Variants in GCN1 observed in about 807,000 individuals in gnomAD.
GCN1 encodes the protein stalled ribosome sensor GCN1.
In GCN1, 90 loss-of-function variants were observed where a neutral mutation model predicts 288.4. The ratio of observed to expected loss-of-function variants is 0.31; its 90% CI spans 0.26 to 0.37. The LOEUF is 0.37. Among genes scored for constraint, GCN1 ranks in the 10% least tolerant of loss-of-function variants. The pLI, the probability that GCN1 is intolerant of heterozygous loss-of-function variation, is 1.00. For synonymous variants in GCN1, 1,386 were observed against 1,420.2 expected, an observed-to-expected ratio of 0.98 and a Z score of 0.54; for missense variants, 2,586 against 3,419.9, an observed-to-expected ratio of 0.76 and a Z score of 6.08.
At chr12:120,151,019 C>CG (rs1877531970) in intron 34 of GCN1, 126 bp downstream of exon 34, 2 of 1,018,910 alleles carry the variant, frequency 2.0e-6, no homozygotes, top group East Asian at 4.8e-5. Flanking sequence ...TCGCACACAG[C>CG]GGGGCCCTCT....
intron 24 of GCN1, among the ~76,000 whole-genome samples, chr12:120,159,040 C>T (rs183968901): frequency 2.6e-5 from 4 of 151,966 alleles, no homozygotes; most frequent in Admixed American, 1.3e-4. Context: ...CTTTCTGCTT[C>T]GCCAAAATGT....
At chr12:120,128,998 T>C (rs754769098) in intron 57 of GCN1, among the ~76,000 whole-genome samples, 4 of 152,030 alleles carry the variant, frequency 2.6e-5, no homozygotes, top group Non-Finnish European at 4.4e-5. Flanking sequence ...CCACCACGCC[T>C]GGCTAATTTT....
chr12:120,150,139 C>A, intron 34 of GCN1, 96 bp from the exon 35 acceptor site: 2 of 1,254,094 alleles, frequency 1.6e-6, no homozygotes, highest in Non-Finnish European at 2.2e-6. Flanking sequence ...CCACCTCCCA[C>A]CCCTCTGGAA....
intron 5 of GCN1, among the ~76,000 whole-genome samples, chr12:120,183,260 T>C (rs1462821553): frequency 1.3e-5 from 2 of 152,208 alleles, no homozygotes; most frequent in Non-Finnish European, 2.9e-5. Context: ...TTGGCTGTCT[T>C]CCCAACTCTG....
intron 44 of GCN1, 99 bp from the exon 45 acceptor site, chr12:120,141,122 A>T (rs565976127): frequency 1.0e-6 from 1 of 983,398 alleles, no homozygotes. Context: ...CCCAGGCTTT[A>T]TCTGAATCAC....
intron 56 of GCN1, 78 bp downstream of exon 56, chr12:120,130,568 C>T: frequency 2.1e-6 from 2 of 930,838 alleles, no homozygotes; most frequent in South Asian, 1.3e-5. Flanking sequence ...TGAGGGCGCA[C>T]TGCTGGTGGT....
At chr12:120,169,001 A>G (rs1878222440) in intron 15 of GCN1, among the ~76,000 whole-genome samples, 1 of 152,196 alleles carries the variant, frequency 6.6e-6, no homozygotes, top group South Asian at 2.1e-4. Context: ...GGGAGATGAA[A>G]TAAAGAAAGC....
intron 26 of GCN1, 133 bp downstream of exon 26, chr12:120,157,716 T>G: frequency 4.1e-6 from 3 of 724,732 alleles, no homozygotes; most frequent in Non-Finnish European, 6.7e-6. Context: ...CAACACTGTG[T>G]GAGGCTGCTG....
At chr12:120,184,735 G>T in intron 3 of GCN1, 89 bp downstream of exon 3, 1 of 960,276 alleles carries the variant, frequency 1.0e-6, no homozygotes, top group Non-Finnish European at 1.7e-6. Flanking sequence ...GCACCAGGCA[G>T]TCTGGCTCTA....
rs970663180 is a variant in GCN1, at chr12:120,167,740, G to A, written c.1612+468C>T. 5.9e-5 allele frequency among the ~76,000 whole-genome samples: 9 copies of A among 151,952 alleles called. No individual in the cohort carries two copies. In the South Asian group the frequency reaches 6.2e-4, roughly 11 times the overall value. On this transcript the variant is annotated intron_variant, in intron 16 of 57. Coordinates refer to ENST00000300648, the MANE Select transcript of GCN1 (RefSeq NM_006836.2). ...GGATGTTGCGATTTATGAGTCAAAC[G>A]ACTCTTCAAATCACCAATTAGTGGC...
chr12:120,129,120 C>T (rs568571227), intron 57 of GCN1, among the ~76,000 whole-genome samples, 156 bp downstream of exon 57: 9 of 152,162 alleles, frequency 5.9e-5, no homozygotes, highest in African/African-American at 1.4e-4. Context: ...CGAGCCACCG[C>T]GCCCGGCCCC....
chr12:120,170,056 G>T, intron 15 of GCN1, 113 bp downstream of exon 15: 1 of 887,260 alleles, frequency 1.1e-6, no homozygotes, highest in Non-Finnish European at 1.8e-6. Context: ...GCAAACCTGT[G>T]GCTGATCCAG....
chr12:120,142,473 G>A lies in GCN1; in HGVS notation c.5829+34C>T, dbSNP rs1318033215. 1.3e-6 allele frequency: 2 copies of A among 1,530,426 alleles called. No individual in the cohort carries two copies. The highest frequency in any genetic ancestry group is 1.7e-5 in the Admixed American group (1 of 59,868). The allele number at this position is 1,530,426 out of a possible 1,614,324, so 94.8% of individuals were successfully genotyped here. On this transcript the variant is annotated intron_variant, in intron 44 of 57. Transcript: ENST00000300648. The surrounding 1 kb of genome is among the most constrained non-coding windows in gnomAD (Gnocchi z 4.9). Reference sequence around the variant, plus strand: ...CTAGGCTCTGAAAGGAGGCACTGGGGCTGCTGGTCCAAAACAAGGCCCAGG... The same window carrying A: ...CTAGGCTCTGAAAGGAGGCACTGGGACTGCTGGTCCAAAACAAGGCCCAGG...
chr12:120,138,506 C>A (rs1414038054), intron 46 of GCN1, 91 bp from the exon 47 acceptor site: 2 of 1,032,000 alleles, frequency 1.9e-6, no homozygotes, highest in East Asian at 4.7e-5. Flanking sequence ...TTGTTTCCCT[C>A]CCTCCTGTTG....
intron 34 of GCN1, among the ~76,000 whole-genome samples, 186 bp downstream of exon 34, chr12:120,150,956 GAAA>G (rs1263136813): frequency 6.6e-6 from 1 of 151,358 alleles, no homozygotes; most frequent in Non-Finnish European, 1.5e-5. Flanking sequence ...AAACAGAAAA[GAAA>G]AAAAAATTTG....
rs577672035 is a variant in GCN1, at chr12:120,158,731, G to A, written c.2750-116C>T. 4.6e-5 allele frequency: 42 copies of A among 904,530 alleles called. No homozygotes were observed. The highest frequency in any genetic ancestry group is 1.3e-4 in the African/African-American group (8 of 59,432). The allele number at this position is 904,530 out of a possible 1,614,324, so 56.0% of individuals were successfully genotyped here. A position where few individuals can be genotyped will look rare whatever the true frequency, so the allele number is the denominator to read the frequency against. ...TTCTGACTTAAAAAAATATTTCTGC[G>A]GCTGGGCGCGGTGGCTGATGCCTGT... On this transcript the variant is annotated intron_variant, in intron 24 of 57. Transcript: ENST00000300648. The surrounding 1 kb of genome is among the most constrained non-coding windows in gnomAD (Gnocchi z 4.3).
intron 1 of GCN1, among the ~76,000 whole-genome samples, chr12:120,194,064 C>T (rs932101460): frequency 2.6e-5 from 4 of 152,246 alleles, no homozygotes; most frequent in Admixed American, 2.0e-4. Context: ...TTTTCACTAA[C>T]CCTGGATCTG....
At position 120,137,673 on chromosome 12, in the gene GCN1, A is replaced by G; in HGVS notation, c.6535T>C (p.Cys2179Arg). 1 of 1,614,150 alleles carries G rather than the reference A, an allele frequency of 6.2e-7. No individual in the cohort carries two copies. Among genetic ancestry groups the G allele is most frequent in the Non-Finnish European group, 8.5e-7 (1 of 1,180,030 alleles). Residue 2179 changes from cysteine (C) to arginine (R), a missense_variant, in exon 49 of 58, where the codon TGT becomes CGT. Cys to Arg is a radical substitution (Grantham distance 180). Around this residue, in one of 8 missense-constraint regions of GCN1, gnomAD observed 437 missense variants for 570.5 expected, o/e 0.77. Transcript: ENST00000300648. This position sits in a 1 kb window ranked among gnomAD's most constrained non-coding sequence, Gnocchi z 5.2. ...GTGTAGTCAGCCTTTGAGCGGGAAC[A>G]GTAGATGTTGAGGATGATGGCAGCA... ...QAAAIILNIY[C>R]SRSKADYTSH...
chr12:120,143,814 G>A (rs73412816), intron 42 of GCN1, among the ~76,000 whole-genome samples: 229 of 152,246 alleles, frequency 1.5e-3, no homozygotes, highest in African/African-American at 5.3e-3. Context: ...GTATAGAGAG[G>A]ACTTTTTAAA....
Sources: allele counts gnomAD v4.1 joint callset (sites outside exome capture counted in the v4.1 genomes callset), GRCh38; gene constraint gnomAD v4.1.1; regional missense constraint gnomAD v4.1.1; non-coding constraint Gnocchi (gnomAD v3.1); transcripts MANE v1.5; gene names NCBI Gene and HGNC (gene_info 2026-07-23, HGNC 2026-07-21).